Variants in KAT2B observed in about 807,000 individuals in gnomAD.
KAT2B encodes histone acetyltransferase KAT2B.
A neutral mutation model predicts 105.9 loss-of-function variants in KAT2B; 36 were observed. The ratio of observed to expected loss-of-function variants is 0.34; its 90% confidence interval spans 0.26 to 0.45. KAT2B has a LOEUF of 0.45. KAT2B is among the 20% of genes least tolerant of loss of function. KAT2B has a pLI of 1.00. For missense variants in KAT2B, 820 were observed against 1,021.6 expected, an observed-to-expected ratio of 0.80 and a Z score of 2.69; for synonymous variants, 397 against 377.9, an observed-to-expected ratio of 1.05 and a Z score of -0.59.
At chr3:20,072,964 G>A (rs906755297) in intron 2 of KAT2B, among the ~76,000 whole-genome samples, 3 of 151,908 alleles carry the variant, frequency 2.0e-5, no homozygotes, top group Non-Finnish European at 4.4e-5. Flanking sequence ...TGTGTTTATT[G>A]AATGTTTACT....
At chr3:20,098,124 A>G (rs2125196759) in intron 3 of KAT2B, among the ~76,000 whole-genome samples, 1 of 151,688 alleles carries the variant, frequency 6.6e-6, no homozygotes. Flanking sequence ...CAGCTACTTG[A>G]GAGGCTGAGG....
At chr3:20,112,519 C>T (rs150358826) in intron 6 of KAT2B, among the ~76,000 whole-genome samples, 2 of 152,152 alleles carry the variant, frequency 1.3e-5, no homozygotes, top group African/African-American at 2.4e-5. Context: ...TTAAGCTAAG[C>T]GGTTGGATGC....
chr3:20,141,416 A>G (rs757133117), intron 13 of KAT2B, among the ~76,000 whole-genome samples: 11 of 152,170 alleles, frequency 7.2e-5, no homozygotes, highest in Non-Finnish European at 1.5e-4. Flanking sequence ...GGGAGTACAC[A>G]AAGGCCATTT....
chr3:20,102,764 T>G (rs1343663022), intron 5 of KAT2B, among the ~76,000 whole-genome samples: 1 of 152,208 alleles, frequency 6.6e-6, no homozygotes, highest in Non-Finnish European at 1.5e-5. Flanking sequence ...TTTTATAACT[T>G]TTCTATAACT....
At chr3:20,088,848 TC>T (rs1349076091) in intron 2 of KAT2B, among the ~76,000 whole-genome samples, 15 of 152,350 alleles carry the variant, frequency 9.8e-5, no homozygotes, top group African/African-American at 3.4e-4. Context: ...TTCCTATGTT[TC>T]CTTCTAGTAG....
intron 1 of KAT2B, among the ~76,000 whole-genome samples, chr3:20,056,789 A>G (rs182003062): frequency 6.6e-6 from 1 of 152,288 alleles, no homozygotes; most frequent in Admixed American, 6.5e-5. Context: ...AATGCCACAG[A>G]GGAGTTCTAG....
chr3:20,112,459 G>A (rs774926399), intron 6 of KAT2B, among the ~76,000 whole-genome samples: 36 of 152,352 alleles, frequency 2.4e-4, no homozygotes, highest in Non-Finnish European at 3.7e-4. Context: ...AAGTTGCAGT[G>A]CTGCACCATT....
intron 9 of KAT2B, among the ~76,000 whole-genome samples, chr3:20,125,484 A>G (rs1014135245): frequency 2.0e-5 from 3 of 152,168 alleles, no homozygotes; most frequent in Admixed American, 6.5e-5. Flanking sequence ...ATTTTTAAAT[A>G]AAGTTTTATT....
intron 1 of KAT2B, among the ~76,000 whole-genome samples, chr3:20,048,033 A>G (rs760985560): frequency 3.9e-5 from 6 of 152,226 alleles, no homozygotes; most frequent in African/African-American, 1.2e-4. Context: ...GTCACAGCAA[A>G]GTACAAAGCA....
At chr3:20,075,062 G>A (rs1239064573) in intron 2 of KAT2B, among the ~76,000 whole-genome samples, 2 of 152,060 alleles carry the variant, frequency 1.3e-5, no homozygotes, top group Non-Finnish European at 2.9e-5. Flanking sequence ...TCAGGAGTTC[G>A]AGACCAGCCT....
intron 1 of KAT2B, among the ~76,000 whole-genome samples, chr3:20,057,436 T>C (rs191358016): frequency 2.6e-5 from 4 of 152,272 alleles, no homozygotes; most frequent in African/African-American, 7.2e-5. Flanking sequence ...GCACTACTTA[T>C]TTTGCTCATC....
chr3:20,101,174 T>C lies in KAT2B; in HGVS notation c.670-113T>C, dbSNP rs11714203. 66,824 of 792,224 alleles carry C rather than the reference T, an allele frequency of 0.084. 3,126 individuals are homozygous for C. The highest frequency in any genetic ancestry group is 0.099 in the Non-Finnish European group (49,693 of 503,612). The allele number at this position is 792,224 out of a possible 1,614,324, so 49.1% of individuals were successfully genotyped here. A position where few individuals can be genotyped will look rare whatever the true frequency, so the allele number is the denominator to read the frequency against. Reference sequence around the variant, plus strand: ...GGGAAAAGGAAGAGATTTTTGTGAATAGAGAAATGTCTGTTATTTTGCTAA... The same window carrying C: ...GGGAAAAGGAAGAGATTTTTGTGAACAGAGAAATGTCTGTTATTTTGCTAA... On this transcript the variant is annotated intron_variant, in intron 4 of 17. Coordinates refer to ENST00000263754, the MANE Select transcript of KAT2B (RefSeq NM_003884.5).
chr3:20,128,466 A>G (rs1012581666), intron 11 of KAT2B, among the ~76,000 whole-genome samples: 2 of 151,922 alleles, frequency 1.3e-5, no homozygotes, highest in African/African-American at 2.4e-5. Flanking sequence ...AGGGTTTGGC[A>G]TGTGTTGGAG....
Position 20,119,703 on chromosome 3 carries a change from C to T in KAT2B, c.1256C>T (p.Ser419Phe), listed in dbSNP as rs1244112135. ...AGCAGTCCTGCCTGCAAAGCCTCTT[C>T]TGGACTTGAGGCAAACCCAGGTAAG... ...GSSSPACKAS[S>F]GLEANPGEKR... The change falls in exon 8 of 18, where the codon TCT becomes TTT. Residue 419 changes from serine to phenylalanine, a missense_variant. Physicochemically the swap from Ser to Phe is radical, Grantham distance 155 (BLOSUM62 -2). Transcript: ENST00000263754. 6.2e-7 allele frequency: 1 copy of T among 1,613,946 alleles called. No individual in the cohort carries two copies. The highest frequency in any genetic ancestry group is 8.5e-7 in the Non-Finnish European group (1 of 1,179,982).
At chr3:20,138,815 T>A (rs1399951571) in intron 12 of KAT2B, among the ~76,000 whole-genome samples, 1 of 152,226 alleles carries the variant, frequency 6.6e-6, no homozygotes, top group Non-Finnish European at 1.5e-5. Flanking sequence ...TCAACATTGC[T>A]TATGGCTTTT....
At chr3:20,049,051 G>A (rs543090998) in intron 1 of KAT2B, among the ~76,000 whole-genome samples, 4 of 147,414 alleles carry the variant, frequency 2.7e-5, no homozygotes, top group South Asian at 2.4e-4. Flanking sequence ...TAGTAGAGAC[G>A]GGGTTTCACC....
chr3:20,105,243 T>C (rs1471687950), intron 5 of KAT2B, among the ~76,000 whole-genome samples: 1 of 152,156 alleles, frequency 6.6e-6, no homozygotes, highest in Non-Finnish European at 1.5e-5. Context: ...CCAGGAGCAA[T>C]TGTGGTTATA....
intron 1 of KAT2B, among the ~76,000 whole-genome samples, chr3:20,050,325 G>T (rs1464331389): frequency 1.3e-5 from 2 of 151,790 alleles, no homozygotes; most frequent in Non-Finnish European, 2.9e-5. Flanking sequence ...CACATAAAGG[G>T]CTCAAATCAT....
chr3:20,065,201 G>A (rs1381431329), intron 1 of KAT2B, among the ~76,000 whole-genome samples: 1 of 152,142 alleles, frequency 6.6e-6, no homozygotes, highest in African/African-American at 2.4e-5. Context: ...GTTCTGCAAT[G>A]TCTGCAGAGA....
Sources: gnomAD v4.1 joint callset for allele counts (sites outside exome capture counted in the v4.1 genomes callset) on GRCh38, gnomAD v4.1.1 for gene constraint, MANE v1.5 for transcripts, NCBI Gene and HGNC (gene_info 2026-07-23, HGNC 2026-07-21) for gene names.